Variants in SAXO1 observed in about 807,000 individuals in gnomAD.
SAXO1 encodes stabilizer of axonemal microtubules 1.
In SAXO1, 21 loss-of-function variants were observed where a neutral mutation model predicts 17.5. The observed-to-expected ratio is 1.20, with a 90% CI of 0.85 to 1.72. The LOEUF (loss-of-function observed/expected upper bound fraction) is 1.72. Ranked by LOEUF, SAXO1 falls within the 40% of genes most tolerant of loss-of-function variation. The probability of loss-of-function intolerance (pLI) is 0.00; values close to 1 mark genes in which losing one functional copy is unlikely to be tolerated. For missense variants in SAXO1, 843 were observed against 596.0 expected (o/e 1.41, Z -4.32); for synonymous variants, 274 against 216.5 (o/e 1.27, Z -2.33).
intron 1 of SAXO1, among the ~76,000 whole-genome samples, chr9:19,030,753 G>A (rs1280862122): frequency 6.6e-6 from 1 of 152,054 alleles, no homozygotes; most frequent in Non-Finnish European, 1.5e-5. Context: ...TCTGTTTGAG[G>A]GAGAGTAAGA....
At chr9:19,019,786 T>C (rs1588543138) in intron 1 of SAXO1, among the ~76,000 whole-genome samples, 1 of 152,106 alleles carries the variant, frequency 6.6e-6, no homozygotes, top group Non-Finnish European at 1.5e-5. Flanking sequence ...GTTCTAACTG[T>C]TGCAAAATTC....
chr9:18,980,851 T>C (rs1479887914), intron 1 of SAXO1, among the ~76,000 whole-genome samples: 4 of 142,890 alleles, frequency 2.8e-5, no homozygotes, highest in Non-Finnish European at 6.0e-5. Flanking sequence ...TCGAGAACCC[T>C]CACCGCTCAT....
At chr9:19,016,443 A>T (rs773751431) in intron 1 of SAXO1, among the ~76,000 whole-genome samples, 75 of 150,078 alleles carry the variant, frequency 5.0e-4, no homozygotes, top group Non-Finnish European at 7.2e-4. Flanking sequence ...CTCAAAAAAT[A>T]AATATGTAAA....
At chr9:19,005,097 T>A (rs1233994374) in intron 1 of SAXO1, among the ~76,000 whole-genome samples, 1 of 152,104 alleles carries the variant, frequency 6.6e-6, no homozygotes, top group Admixed American at 6.6e-5. Flanking sequence ...GACTTTCACA[T>A]TCAAAAAACT....
chr9:18,954,601 T>G (rs978784415), intron 1 of SAXO1, among the ~76,000 whole-genome samples: 15 of 152,072 alleles, frequency 9.9e-5, no homozygotes, highest in African/African-American at 2.9e-4. Flanking sequence ...CCACGCAAAG[T>G]GCTGAGATCA....
intron 1 of SAXO1, among the ~76,000 whole-genome samples, chr9:19,042,266 G>A (rs145366677): frequency 2.6e-5 from 4 of 152,274 alleles, no homozygotes; most frequent in African/African-American, 7.2e-5. Context: ...CAGTTAAAAT[G>A]GCTTTTATCC....
At chr9:18,990,183 T>C (rs200751239) in intron 1 of SAXO1, among the ~76,000 whole-genome samples, 2 of 147,126 alleles carry the variant, frequency 1.4e-5, no homozygotes, top group African/African-American at 2.5e-5. Context: ...TTTTTTTTTT[T>C]CCTAACAACT....
intron 1 of SAXO1, among the ~76,000 whole-genome samples, chr9:18,990,013 G>A (rs1258005551): frequency 2.6e-5 from 4 of 152,154 alleles, no homozygotes; most frequent in Non-Finnish European, 5.9e-5. Flanking sequence ...CCTCTTGGCA[G>A]GTATTGCCAC....
In SAXO1 at chr9:18,973,663, G is replaced by A. The variant is rs577389844; in HGVS notation, c.39-22726C>T. ...GACCAGAGTTTCTTTTGGCTCACCTGGCTACTTAAGCTGGTATCCCTGGTA... is the reference window on the plus strand; with the variant it reads ...GACCAGAGTTTCTTTTGGCTCACCTAGCTACTTAAGCTGGTATCCCTGGTA... On this transcript the variant is annotated intron_variant, in intron 1 of 3. Coordinates refer to ENST00000380534, the MANE Select transcript of SAXO1 (RefSeq NM_153707.4). Among the ~76,000 whole-genome samples the A allele has an allele frequency of 6.6e-5, 10 of 152,254 alleles. No individual in the cohort carries two copies. In the South Asian group the frequency reaches 1.9e-3, roughly 28 times the overall value.
chr9:19,017,206 T>G (rs1221051535), intron 1 of SAXO1, among the ~76,000 whole-genome samples: 1 of 151,930 alleles, frequency 6.6e-6, no homozygotes, highest in Admixed American at 6.6e-5. Flanking sequence ...AAAGATCAAT[T>G]GATGCCAAAA....
intron 2 of SAXO1, among the ~76,000 whole-genome samples, chr9:18,947,257 G>A (rs1181739534): frequency 2.6e-5 from 4 of 152,172 alleles, no homozygotes; most frequent in Admixed American, 2.6e-4. Context: ...TCAATGGGCA[G>A]TGCAAGACTC....
chr9:18,949,342 C>G (rs1467397104), intron 2 of SAXO1, among the ~76,000 whole-genome samples: 1 of 150,548 alleles, frequency 6.6e-6, no homozygotes, highest in African/African-American at 2.4e-5. Flanking sequence ...CCTGTAGTCC[C>G]AGCTACTAGG....
chr9:18,951,120 T>C (rs1832021347), intron 1 of SAXO1, among the ~76,000 whole-genome samples, 183 bp from the exon 2 acceptor site: 1 of 152,190 alleles, frequency 6.6e-6, no homozygotes, highest in Non-Finnish European at 1.5e-5. Context: ...ATAAAGGTGG[T>C]CTGTAACTAC....
chr9:19,048,241 G>A (rs1190371800), intron 1 of SAXO1, among the ~76,000 whole-genome samples: 1 of 152,162 alleles, frequency 6.6e-6, no homozygotes, highest in Non-Finnish European at 1.5e-5. Flanking sequence ...GAGGCAGGTG[G>A]CTGGCTTGAG....
intron 1 of SAXO1, among the ~76,000 whole-genome samples, chr9:18,957,346 T>C (rs554384760): frequency 6.6e-6 from 1 of 152,276 alleles, no homozygotes; most frequent in South Asian, 2.1e-4. Flanking sequence ...ACCCTACAGA[T>C]CGGCCAGCCC....
In SAXO1 at chr9:18,962,619, G is replaced by A. The variant is rs142509176; in HGVS notation, c.39-11682C>T. Among the ~76,000 whole-genome samples, 378 of 151,224 alleles carry A rather than the reference G, an allele frequency of 2.5e-3. 1 individual carries two copies. The highest frequency in any genetic ancestry group is 8.8e-3 in the African/African-American group (361 of 41,132). On this transcript the variant is annotated intron_variant, in intron 1 of 3. Transcript: ENST00000380534. Reference sequence around the variant, plus strand: ...ATGATAGTTTCTTTTGTGTGCAGAAGCGTCTGTTCATATCGTTCACCCACT... The same window carrying A: ...ATGATAGTTTCTTTTGTGTGCAGAAACGTCTGTTCATATCGTTCACCCACT...
Position 18,985,431 on chromosome 9 carries a change from C to T in SAXO1, c.39-34494G>A, listed in dbSNP as rs183749133. On this transcript the variant is annotated intron_variant, in intron 1 of 3. Coordinates refer to ENST00000380534, the MANE Select transcript of SAXO1 (RefSeq NM_153707.4). ...AAAAAAACACACTATCTGCAAAGTG[C>T]GATAAAGCAAAGCACAGTAGAACAA... Among the ~76,000 whole-genome samples, 21 of 152,200 alleles carry T rather than the reference C, an allele frequency of 1.4e-4. No homozygotes were observed. The East Asian group carries it at 3.7e-3, about 27-fold the overall frequency.
At chr9:19,030,275 A>C (rs1835698311) in intron 1 of SAXO1, among the ~76,000 whole-genome samples, 1 of 152,148 alleles carries the variant, frequency 6.6e-6, no homozygotes. Flanking sequence ...GAATCATGGG[A>C]GAAAAAAAAA....
intron 1 of SAXO1, among the ~76,000 whole-genome samples, chr9:19,005,430 C>T (rs1834444867): frequency 6.6e-6 from 1 of 152,052 alleles, no homozygotes; most frequent in Non-Finnish European, 1.5e-5. Flanking sequence ...TAAGGACAGA[C>T]ATATAGACCA....
Sources: gnomAD v4.1 joint callset for allele counts (sites outside exome capture counted in the v4.1 genomes callset) on GRCh38, gnomAD v4.1.1 for gene constraint, MANE v1.5 for transcripts, NCBI Gene and HGNC (gene_info 2026-07-23, HGNC 2026-07-21) for gene names.